SLC16A10: variants seen among roughly 807,000 people sequenced by gnomAD.
The protein encoded by SLC16A10 is monocarboxylate transporter 10.
A neutral mutation model predicts 40.0 loss-of-function variants in SLC16A10; 27 were observed. The ratio of observed to expected loss-of-function variants is 0.67; its 90% CI spans 0.50 to 0.93. The LOEUF (loss-of-function observed/expected upper bound fraction) is 0.93. Among genes scored for constraint, SLC16A10 ranks in the 40% least tolerant of loss-of-function variants. SLC16A10 has a pLI of 0.00. For synonymous variants in SLC16A10, 213 were observed against 249.8 expected, an observed-to-expected ratio of 0.85 and a Z score of 1.39; for missense variants, 529 against 658.2, an observed-to-expected ratio of 0.80 and a Z score of 2.15.
rs547230219 is a variant in SLC16A10, at chr6:111,099,443, G to C, written c.343+11348G>C. ...TTTTCTTGCCTCAGCCTCCCGAGTA[G>C]CTGGGACCACAGGCATGTGCCACTA... is the stretch of plus-strand genomic sequence containing the variant. On this transcript the variant is annotated intron_variant, in intron 1 of 5. Transcript: ENST00000368851. Among the ~76,000 whole-genome samples, 16 of 152,158 alleles carry C rather than the reference G, an allele frequency of 1.1e-4. No homozygotes were observed. In the East Asian group the frequency reaches 3.1e-3, roughly 30 times the overall value.
intron 1 of SLC16A10, among the ~76,000 whole-genome samples, chr6:111,088,674 G>A (rs1770918603): frequency 6.6e-6 from 1 of 152,104 alleles, no homozygotes; most frequent in African/African-American, 2.4e-5. Context: ...TTGCCCTCTG[G>A]GTTAAATGTA....
rs148679731 is a variant in SLC16A10, at chr6:111,204,695, A to T, written c.943-1897A>T. Among the ~76,000 whole-genome samples the T allele has an allele frequency of 1.2e-3, 177 of 152,282 alleles. 1 individual carries two copies. The highest frequency in any genetic ancestry group is 4.1e-3 in the African/African-American group (172 of 41,570). On this transcript the variant is annotated intron_variant, in intron 3 of 5. Coordinates refer to ENST00000368851, the MANE Select transcript of SLC16A10 (RefSeq NM_018593.5). ...ATGCAGTTTGCAGACGTGTTTTGTT[A>T]GACTTTTGTAGAGCTGGATCACACA...
At chr6:111,150,750 G>A (rs945977679) in intron 1 of SLC16A10, among the ~76,000 whole-genome samples, 2 of 152,172 alleles carry the variant, frequency 1.3e-5, no homozygotes, top group Non-Finnish European at 2.9e-5. Flanking sequence ...AGACACTGAG[G>A]GGGTGGAAAC....
At chr6:111,135,971 A>G (rs1771870265) in intron 1 of SLC16A10, among the ~76,000 whole-genome samples, 1 of 152,258 alleles carries the variant, frequency 6.6e-6, no homozygotes, top group Non-Finnish European at 1.5e-5. Flanking sequence ...TATCCAGCCT[A>G]TACTGGCTTA....
chr6:111,161,146 C>G (rs777184821), intron 1 of SLC16A10, among the ~76,000 whole-genome samples: 25 of 130,082 alleles, frequency 1.9e-4, no homozygotes, highest in Admixed American at 2.9e-4. Context: ...TTGCTGGAAC[C>G]TGGGAGGCAG....
chr6:111,214,939 G>A (rs1773397283), intron 4 of SLC16A10, among the ~76,000 whole-genome samples: 1 of 151,966 alleles, frequency 6.6e-6, no homozygotes, highest in Non-Finnish European at 1.5e-5. Flanking sequence ...CTAACACAGT[G>A]AAGCCCCATC....
intron 1 of SLC16A10, among the ~76,000 whole-genome samples, chr6:111,133,474 C>G (rs1771822116): frequency 6.6e-6 from 1 of 151,978 alleles, no homozygotes; most frequent in Non-Finnish European, 1.5e-5. Flanking sequence ...ACTTACATTC[C>G]TCTGCAGTAC....
intron 1 of SLC16A10, among the ~76,000 whole-genome samples, chr6:111,093,339 A>T (rs1170862252): frequency 6.6e-6 from 1 of 152,186 alleles, no homozygotes; most frequent in African/African-American, 2.4e-5. Flanking sequence ...CTGTATGGAG[A>T]CAGATTTCTT....
intron 1 of SLC16A10, among the ~76,000 whole-genome samples, chr6:111,142,713 A>T (rs1772005455): frequency 6.6e-6 from 1 of 152,206 alleles, no homozygotes. Context: ...CAAAACACTG[A>T]CAACACCAAG....
At chr6:111,111,883 G>A (rs1433510381) in intron 1 of SLC16A10, among the ~76,000 whole-genome samples, 1 of 152,024 alleles carries the variant, frequency 6.6e-6, no homozygotes, top group Non-Finnish European at 1.5e-5. Context: ...TTTAATTTGA[G>A]GCATGACTTT....
At chr6:111,135,592 C>T (rs1482066697) in intron 1 of SLC16A10, among the ~76,000 whole-genome samples, 6 of 152,220 alleles carry the variant, frequency 3.9e-5, no homozygotes, top group Non-Finnish European at 7.3e-5. Flanking sequence ...CACTCCTATA[C>T]ATGCTGACTC....
chr6:111,126,957 C>T (rs145353497), intron 1 of SLC16A10, among the ~76,000 whole-genome samples: 53 of 152,166 alleles, frequency 3.5e-4, no homozygotes, highest in Middle Eastern at 3.4e-3. Context: ...TTAAAAGTAA[C>T]GGCAAAAACC....
chr6:111,125,794 G>A (rs530603841), intron 1 of SLC16A10, among the ~76,000 whole-genome samples: 1 of 151,984 alleles, frequency 6.6e-6, no homozygotes, highest in Non-Finnish European at 1.5e-5. Flanking sequence ...ATTCTAACTT[G>A]GCCAACAGGT....
At chr6:111,123,188 A>G (rs1214612033) in intron 1 of SLC16A10, among the ~76,000 whole-genome samples, 3 of 152,032 alleles carry the variant, frequency 2.0e-5, no homozygotes, top group Admixed American at 6.5e-5. Context: ...GCCTGGTTCC[A>G]TAGTCACTTG....
chr6:111,213,457 C>G (rs933211845), intron 4 of SLC16A10, among the ~76,000 whole-genome samples: 1 of 152,148 alleles, frequency 6.6e-6, no homozygotes, highest in Non-Finnish European at 1.5e-5. Context: ...CTTCCTCTTC[C>G]GGTTCAGGTA....
intron 3 of SLC16A10, among the ~76,000 whole-genome samples, chr6:111,204,776 C>T (rs1411941537): frequency 6.6e-6 from 1 of 152,090 alleles, no homozygotes; most frequent in Non-Finnish European, 1.5e-5. Flanking sequence ...GGATTTCTGA[C>T]TTTTCTTTTA....
intron 1 of SLC16A10, among the ~76,000 whole-genome samples, chr6:111,162,336 C>A (rs1233147597): frequency 1.3e-5 from 2 of 152,156 alleles, no homozygotes; most frequent in African/African-American, 4.8e-5. Context: ...TCCTCAAATA[C>A]CTATGAGTTG....
intron 1 of SLC16A10, among the ~76,000 whole-genome samples, chr6:111,135,357 A>G (rs1031780821): frequency 2.0e-5 from 3 of 152,178 alleles, no homozygotes; most frequent in Non-Finnish European, 4.4e-5. Context: ...TTAAGGACCT[A>G]AAAGCCCAAG....
chr6:111,148,939 C>T (rs774457881), intron 1 of SLC16A10, among the ~76,000 whole-genome samples: 1 of 152,198 alleles, frequency 6.6e-6, no homozygotes, highest in Non-Finnish European at 1.5e-5. Context: ...GAAACCCCAT[C>T]TCTCCTTTAC....
Sources: gnomAD v4.1 joint callset for allele counts (sites outside exome capture counted in the v4.1 genomes callset) on GRCh38, gnomAD v4.1.1 for gene constraint, MANE v1.5 for transcripts, NCBI Gene and HGNC (gene_info 2026-07-23, HGNC 2026-07-21) for gene names.